Variants in ZAP70 observed in about 807,000 individuals in gnomAD.
ZAP70 encodes the protein tyrosine-protein kinase ZAP-70.
Under a neutral mutation model 65.8 loss-of-function variants are expected in ZAP70, and 27 were observed. That is an observed-to-expected ratio of 0.41 (90% CI 0.30 to 0.57). The LOEUF is 0.57. Ranked by LOEUF, ZAP70 falls within the 20% of genes least tolerant of loss-of-function variation. The pLI is 0.28. For missense variants in ZAP70, 696 were observed against 870.5 expected (o/e 0.80, Z 2.52); for synonymous variants, 363 against 360.8 (o/e 1.01, Z -0.07).
At chr2:97,738,205 C>A (rs1393267567) in intron 13 of ZAP70, 98 bp downstream of exon 13, 11 of 1,220,418 alleles carry the variant, frequency 9.0e-6, no homozygotes, top group Non-Finnish European at 1.3e-5. Context: ...AATGTCATCT[C>A]ACCCAAAGCC....
At chr2:97,747,751 C>T in the ZAP70 span, among the ~76,000 whole-genome samples, 1 of 143,408 alleles carries the variant, frequency 7.0e-6, no homozygotes, top group African/African-American at 2.6e-5. Flanking sequence ...TGAATTTTAT[C>T]TCAGTGTGAA....
chr2:97,737,336 A>G lies in ZAP70; in HGVS notation c.1290-137A>G. 1.2e-6 allele frequency: 1 copy of G among 868,994 alleles called. No homozygotes were observed. The highest frequency in any genetic ancestry group is 1.9e-6 in the Non-Finnish European group (1 of 535,658). 53.8% of individuals were successfully genotyped at this position (868,994 alleles called of 1,614,324 possible). On this transcript the variant is annotated intron_variant, in intron 10 of 13. Transcript: ENST00000264972. This position sits in a 1 kb window ranked among gnomAD's most constrained non-coding sequence, Gnocchi z 5.0. ...CTGTGTCCCCAGCCCCACGCCTGGC[A>G]CACAGCAGGTGCTCAATAAGCGTTT... is the stretch of plus-strand genomic sequence containing the variant.
chr2:97,734,899 A>G, intron 9 of ZAP70, 187 bp downstream of exon 9: 2 of 560,508 alleles, frequency 3.6e-6, no homozygotes, highest in Non-Finnish European at 6.1e-6. Flanking sequence ...CGGGGGTGGG[A>G]TGGGGCCTGG....
At chr2:97,721,551 C>G (rs956025250) in intron 2 of ZAP70, among the ~76,000 whole-genome samples, 9 of 146,592 alleles carry the variant, frequency 6.1e-5, no homozygotes, top group African/African-American at 2.3e-4. Context: ...GTAGCTGGGA[C>G]TACAGGCGCC....
chr2:97,754,645 C>T, the ZAP70 span, among the ~76,000 whole-genome samples: 7 of 152,150 alleles, frequency 4.6e-5, no homozygotes, highest in African/African-American at 1.4e-4. Flanking sequence ...TCAGTTGATC[C>T]GCCCACCTCG....
intron 2 of ZAP70, among the ~76,000 whole-genome samples, chr2:97,719,125 C>T (rs1173119044): frequency 6.6e-6 from 1 of 152,108 alleles, no homozygotes; most frequent in Non-Finnish European, 1.5e-5. Flanking sequence ...CTCTGGGGCT[C>T]AGCTCTGTGG....
At chr2:97,739,227 C>A (rs558156771) in intron 13 of ZAP70, 148 bp from the exon 14 acceptor site, 1 of 1,278,870 alleles carries the variant, frequency 7.8e-7, no homozygotes, top group Non-Finnish European at 1.1e-6. Flanking sequence ...GTCCTCTCCA[C>A]CACCCAATGT....
chr2:97,739,300 G>C (rs1474102401), intron 13 of ZAP70, 75 bp from the exon 14 acceptor site: 3 of 1,600,342 alleles, frequency 1.9e-6, no homozygotes, highest in Non-Finnish European at 2.6e-6. Flanking sequence ...GCCAAGCACA[G>C]TGCATGCCCA....
the ZAP70 span, among the ~76,000 whole-genome samples, chr2:97,750,717 A>G: frequency 1.1e-4 from 16 of 152,236 alleles, no homozygotes; most frequent in Non-Finnish European, 1.5e-5. Context: ...TAATAGTCAC[A>G]AACTGTCCTG....
chr2:97,733,528 A>G lies in ZAP70; in HGVS notation c.838-16A>G. The G allele has an allele frequency of 6.2e-7, 1 of 1,613,462 alleles. No homozygotes were observed. Among genetic ancestry groups the G allele is most frequent in the East Asian group, 2.2e-5 (1 of 44,870 alleles). ...GACGTCCCCAGCTCAGGCCTTGCTG[A>G]CCCTGTGGCCTTTAGCCTCAGAGAC... On this transcript the variant is annotated splice_polypyrimidine_tract_variant and intron_variant, in intron 7 of 13. Transcript: ENST00000264972.
chr2:97,726,581 C>T (rs1677397050), intron 4 of ZAP70, among the ~76,000 whole-genome samples: 1 of 152,270 alleles, frequency 6.6e-6, no homozygotes, highest in Admixed American at 6.5e-5. Context: ...GACCACATCC[C>T]TTGATTTTCC....
At chr2:97,718,956 G>A (rs972542573) in intron 2 of ZAP70, among the ~76,000 whole-genome samples, 1 of 152,202 alleles carries the variant, frequency 6.6e-6, no homozygotes, top group Admixed American at 6.5e-5. Context: ...TGCACTAGGT[G>A]GAGGGTGCTG....
rs1315214548 is a variant in ZAP70 at position 97,739,638 on chromosome 2, C to T, written c.*140C>T. ...TGGTAGGGGGTGTCTCAGGCCACACCGGCCTTGCATTGCCTGCCTGGCCCC... is the reference window on the plus strand; with the variant it reads ...TGGTAGGGGGTGTCTCAGGCCACACTGGCCTTGCATTGCCTGCCTGGCCCC... On this transcript the variant is annotated 3_prime_UTR_variant, in exon 14 of 14. Coordinates refer to ENST00000264972, the MANE Select transcript of ZAP70 (RefSeq NM_001079.4). 3.8e-5 allele frequency: 50 copies of T among 1,332,670 alleles called. 1 individual carries two copies. The South Asian group carries it at 4.8e-4, about 13-fold the overall frequency. 82.6% of individuals were successfully genotyped at this position (1,332,670 alleles called of 1,614,324 possible). A position where few individuals can be genotyped will look rare whatever the true frequency, so the allele number is the denominator to read the frequency against.
In ZAP70 at chr2:97,739,760, A is replaced by G. The variant is rs201803827; in HGVS notation, c.*262A>G. On this transcript the variant is annotated 3_prime_UTR_variant, in exon 14 of 14. Transcript: ENST00000264972. Reference sequence around the variant, plus strand: ...TCCCGGAGGGCCCTGAGCTGAGGGCATTGCTTACACGGATGCCTTCCCCTG... The same window carrying G: ...TCCCGGAGGGCCCTGAGCTGAGGGCGTTGCTTACACGGATGCCTTCCCCTG... The G allele has an allele frequency of 1.8e-6, 1 of 554,548 alleles. No homozygotes were observed. Among genetic ancestry groups the G allele is most frequent in the Non-Finnish European group, 3.2e-6 (1 of 312,464 alleles). The allele number at this position is 554,548 out of a possible 1,614,324, so 34.4% of individuals were successfully genotyped here.
At chr2:97,734,953 T>C in intron 9 of ZAP70, 2 of 669,278 alleles carry the variant, frequency 3.0e-6, no homozygotes, top group South Asian at 3.8e-5. Flanking sequence ...CCAGGGGAGC[T>C]GCAGTGGGGT....
At chr2:97,725,274 G>C in intron 4 of ZAP70, 22 bp downstream of exon 4, 1 of 1,610,184 alleles carries the variant, frequency 6.2e-7, no homozygotes, top group Non-Finnish European at 8.5e-7. Flanking sequence ...CCGGGATTTG[G>C]GTGCGGTGAG....
At position 97,737,234 on chromosome 2, in the gene ZAP70, G is replaced by A. The variant is rs1677928610; in HGVS notation, c.1290-239G>A. 6.6e-6 allele frequency among the ~76,000 whole-genome samples: 1 copy of A among 152,154 alleles called. No individual in the cohort carries two copies. On this transcript the variant is annotated intron_variant, in intron 10 of 13. Coordinates refer to ENST00000264972, the MANE Select transcript of ZAP70 (RefSeq NM_001079.4). This position sits in a 1 kb window ranked among gnomAD's most constrained non-coding sequence, Gnocchi z 5.0. ...AGGGTGCAGGCATAGGTCTAGACTT[G>A]GGAGTCGTAGCGTGTGGGTGATCCC...
At chr2:97,750,657 C>T in the ZAP70 span, among the ~76,000 whole-genome samples, 1 of 152,196 alleles carries the variant, frequency 6.6e-6, no homozygotes, top group Non-Finnish European at 1.5e-5. Flanking sequence ...AGGTAATGGG[C>T]GCATGTTCCA....
chr2:97,716,017 T>C (rs1676895357), intron 2 of ZAP70, among the ~76,000 whole-genome samples: 1 of 151,896 alleles, frequency 6.6e-6, no homozygotes, highest in Admixed American at 6.6e-5. Context: ...TGTGGGAGGA[T>C]GGGGACCCTG....
Sources: allele counts gnomAD v4.1 joint callset (sites outside exome capture counted in the v4.1 genomes callset), GRCh38; gene constraint gnomAD v4.1.1; non-coding constraint Gnocchi (gnomAD v3.1); transcripts MANE v1.5; gene names NCBI Gene and HGNC (gene_info 2026-07-23, HGNC 2026-07-21).